SP140: variants seen among roughly 807,000 people sequenced by gnomAD.
The protein encoded by SP140 is nuclear body protein SP140.
Under a neutral mutation model 125.0 loss-of-function variants are expected in SP140, and 81 were observed. The ratio of observed to expected loss-of-function variants is 0.65; its 90% CI spans 0.54 to 0.78. SP140 has a LOEUF of 0.78. SP140 is among the 30% of genes least tolerant of loss of function. The pLI is 0.00. For missense variants in SP140, 858 were observed against 1,037.0 expected (o/e 0.83, Z 2.37); for synonymous variants, 312 against 354.0 (o/e 0.88, Z 1.33).
rs556022121 is a variant in SP140, at chr2:230,257,704, T to G, written c.1240+2172T>G. On this transcript the variant is annotated intron_variant, in intron 12 of 26. Coordinates refer to ENST00000392045, the MANE Select transcript of SP140 (RefSeq NM_007237.5). ...GTTGCTTGAACCCGGGATGTGGAGG[T>G]TGCAGTCAGCTGAGATCACATCACT... Among the ~76,000 whole-genome samples the G allele has an allele frequency of 2.6e-4, 40 of 152,228 alleles. No individual in the cohort carries two copies. The East Asian group carries it at 7.1e-3, about 27-fold the overall frequency.
chr2:230,260,455 C>T (rs1052542465), intron 12 of SP140, among the ~76,000 whole-genome samples: 3 of 152,148 alleles, frequency 2.0e-5, no homozygotes, highest in Non-Finnish European at 2.9e-5. Flanking sequence ...AATTAAGTCC[C>T]AGCTATTTAT....
chr2:230,290,966 C>T (rs1405575550), intron 19 of SP140, among the ~76,000 whole-genome samples: 1 of 152,164 alleles, frequency 6.6e-6, no homozygotes, highest in African/African-American at 2.4e-5. Context: ...GATCAGAAAG[C>T]CTGAGTTCCA....
At chr2:230,209,611 T>A (rs749493859) in intron 1 of SP140, among the ~76,000 whole-genome samples, 17 of 152,146 alleles carry the variant, frequency 1.1e-4, no homozygotes, top group Non-Finnish European at 1.6e-4. Flanking sequence ...GGAAGTGGGT[T>A]CCTCTCTGGG....
At chr2:230,238,418 C>A (rs1029617323) in intron 3 of SP140, 37 bp downstream of exon 3, 5 of 1,556,528 alleles carry the variant, frequency 3.2e-6, no homozygotes, top group Middle Eastern at 3.4e-4. Context: ...GGGATTCAAG[C>A]CCATTTCATT....
At chr2:230,221,981 A>C (rs1204602623), upstream of SP140, among the ~76,000 whole-genome samples, 9 of 152,236 alleles carry the variant, frequency 5.9e-5, no homozygotes, top group Admixed American at 5.9e-4. Flanking sequence ...CTTAGCTAGC[A>C]CTTTGGGAGG....
chr2:230,197,762 G>A, the SP140 span, among the ~76,000 whole-genome samples: 21 of 152,118 alleles, frequency 1.4e-4, no homozygotes, highest in East Asian at 4.1e-3. Context: ...TTCTACATAT[G>A]GCTAGCCAGT....
At chr2:230,240,621 C>T (rs2048593884) in intron 3 of SP140, among the ~76,000 whole-genome samples, 1 of 152,172 alleles carries the variant, frequency 6.6e-6, no homozygotes, top group African/African-American at 2.4e-5. Context: ...ATATCATTCA[C>T]TCACTAGAAT....
chr2:230,232,329 G>A (rs2047379321), intron 1 of SP140, among the ~76,000 whole-genome samples: 1 of 152,190 alleles, frequency 6.6e-6, no homozygotes, highest in African/African-American at 2.4e-5. Flanking sequence ...TGACTTCAGT[G>A]CCTGCTGCCT....
chr2:230,258,056 A>G (rs1315341929), intron 12 of SP140, among the ~76,000 whole-genome samples: 3 of 152,174 alleles, frequency 2.0e-5, no homozygotes, highest in Middle Eastern at 3.2e-3. Flanking sequence ...TGTACTGGCC[A>G]GAAGCTATTG....
chr2:230,302,193 G>A (rs2058340287), intron 22 of SP140, among the ~76,000 whole-genome samples: 1 of 151,604 alleles, frequency 6.6e-6, no homozygotes, highest in Admixed American at 6.6e-5. Context: ...AGACCATCCT[G>A]GCTAATGCAG....
At chr2:230,214,445 T>C (rs893292855) in intron 3 of SP140, among the ~76,000 whole-genome samples, 1 of 152,244 alleles carries the variant, frequency 6.6e-6, no homozygotes, top group African/African-American at 2.4e-5. Context: ...TTGGGAAGAT[T>C]ACCTCTGGGC....
intron 12 of SP140, among the ~76,000 whole-genome samples, chr2:230,263,754 T>C (rs371276278): frequency 1.6e-4 from 24 of 152,254 alleles, no homozygotes; most frequent in African/African-American, 5.5e-4. Flanking sequence ...GATACAGAAG[T>C]CTTGTCTGAT....
chr2:230,237,400 C>A lies in SP140; in HGVS notation c.237+140C>A. The A allele has an allele frequency of 1.5e-6, 1 of 678,924 alleles. No individual in the cohort carries two copies. The highest frequency in any genetic ancestry group is 1.8e-5 in the African/African-American group (1 of 54,856). 42.1% of individuals were successfully genotyped at this position (678,924 alleles called of 1,614,324 possible). ...GTAGGTTAGGAGGTGACAGGAGAAG[C>A]AGGCATCACAGAAAACCTCCCTTCT... On this transcript the variant is annotated intron_variant, in intron 2 of 26. Coordinates refer to ENST00000392045, the MANE Select transcript of SP140 (RefSeq NM_007237.5). This position sits in a 1 kb window ranked among gnomAD's most constrained non-coding sequence, Gnocchi z 5.4.
At chr2:230,193,915 C>T in the SP140 span, among the ~76,000 whole-genome samples, 1 of 152,260 alleles carries the variant, frequency 6.6e-6, no homozygotes, top group Admixed American at 6.5e-5. Flanking sequence ...CAAAAATTAC[C>T]TGTACCTATC....
rs376571047 is a variant in SP140 at position 230,285,830 on chromosome 2, G to A, written c.1643G>A (p.Arg548Lys). 8 of 1,610,578 alleles carry A rather than the reference G, an allele frequency of 5.0e-6. No individual in the cohort carries two copies. Among genetic ancestry groups the A allele is most frequent in the African/African-American group, 4.0e-5 (3 of 74,854 alleles). The part of the protein sequence containing the change: ...NVNLKDLSKI[R>K]GRKRGKPGTR... The stretch of plus-strand genomic sequence containing the variant: ...AATCTGAAAGACCTTTCCAAGATTA[G>A]GGGTAAGATAAAGTTTGTCCGCTTT... Residue 548 changes from arginine (R) to lysine (K), a missense_variant and splice_region_variant, in exon 17 of 27, where the codon AGG (arginine) becomes AAG (lysine). By Grantham distance (26) the Arg-to-Lys change is conservative (BLOSUM62 2). Around this residue, in one of 4 missense-constraint regions of SP140, gnomAD observed 791 missense variants for 869.5 expected, o/e 0.91. Transcript: ENST00000392045.
intron 26 of SP140, 85 bp from the exon 27 acceptor site, chr2:230,312,501 C>G (rs2059410899): frequency 1.2e-6 from 1 of 862,008 alleles, no homozygotes; most frequent in Non-Finnish European, 1.8e-6. Context: ...TTTTTAAAGA[C>G]AAGAGTCCTG....
At chr2:230,191,141 G>C in the SP140 span, among the ~76,000 whole-genome samples, 3 of 152,142 alleles carry the variant, frequency 2.0e-5, no homozygotes, top group African/African-American at 7.2e-5. Context: ...AGCTAAAGCA[G>C]TGTTAAGAGG....
chr2:230,228,973 T>A (rs1383088145), intron 1 of SP140, among the ~76,000 whole-genome samples: 1 of 152,088 alleles, frequency 6.6e-6, no homozygotes, highest in African/African-American at 2.4e-5. Context: ...CTTTTCTTCC[T>A]TTTTTCCTGC....
chr2:230,262,227 T>C (rs2052385668), intron 12 of SP140, among the ~76,000 whole-genome samples: 1 of 152,164 alleles, frequency 6.6e-6, no homozygotes, highest in Non-Finnish European at 1.5e-5. Flanking sequence ...TGTTTTCTAG[T>C]TTATGTACAT....
Sources: allele counts gnomAD v4.1 joint callset (sites outside exome capture counted in the v4.1 genomes callset), GRCh38; gene constraint gnomAD v4.1.1; regional missense constraint gnomAD v4.1.1; non-coding constraint Gnocchi (gnomAD v3.1); transcripts MANE v1.5; gene names NCBI Gene and HGNC (gene_info 2026-07-23, HGNC 2026-07-21).